Variants in PAK1 observed in about 807,000 individuals in gnomAD.
The protein encoded by PAK1 is p21 (RAC1) activated kinase 1.
Under a neutral mutation model 67.4 loss-of-function variants are expected in PAK1, and 29 were observed. The observed-to-expected ratio is 0.43, with a 90% confidence interval of 0.32 to 0.59. The LOEUF is 0.59. PAK1 is among the 20% of genes least tolerant of loss of function. PAK1 has a pLI of 0.07. For synonymous variants in PAK1, 223 were observed against 237.4 expected (o/e 0.94, Z 0.56); for missense variants, 337 against 670.7 (o/e 0.50, Z 5.50).
intron 1 of PAK1, among the ~76,000 whole-genome samples, chr11:77,401,187 C>T (rs534163598): frequency 2.0e-4 from 31 of 152,320 alleles, no homozygotes; most frequent in African/African-American, 4.1e-4. Flanking sequence ...ATGCCCTTGA[C>T]GCCTGGTTAT....
the PAK1 span, among the ~76,000 whole-genome samples, chr11:77,484,217 A>AC: frequency 6.8e-6 from 1 of 147,568 alleles, no homozygotes; most frequent in African/African-American, 2.5e-5. Context: ...AAAGTTATCC[A>AC]TAAAAAAAAA....
intron 1 of PAK1, among the ~76,000 whole-genome samples, chr11:77,445,672 G>A (rs1230019848): frequency 3.3e-5 from 5 of 152,216 alleles, no homozygotes; most frequent in Admixed American, 1.3e-4. Flanking sequence ...GTTTCACACC[G>A]GAGTGAGCTA....
chr11:77,379,075 C>T, intron 4 of PAK1, 166 bp downstream of exon 4: 1 of 612,004 alleles, frequency 1.6e-6, no homozygotes, highest in Non-Finnish European at 2.9e-6. Context: ...AAGTTTGATG[C>T]AAAGTCCATC....
rs372081686 is a variant in PAK1, at chr11:77,374,367, T to C, written c.440-2A>G. On this transcript the variant is annotated splice_acceptor_variant, in intron 4 of 14. Transcript: ENST00000356341. LOFTEE classifies it high-confidence loss of function. ...AATTGTAATCCTCAGCTGACTTATC[T>C]GCACAGGAAGAAAAACAAGGGACTT... 6.3e-7 allele frequency: 1 copy of C among 1,591,842 alleles called. No individual in the cohort carries two copies. The highest frequency in any genetic ancestry group is 8.6e-7 in the Non-Finnish European group (1 of 1,160,236).
chr11:77,428,571 C>CAA (rs34457093), intron 1 of PAK1, among the ~76,000 whole-genome samples: 1 of 111,034 alleles, frequency 9.0e-6, no homozygotes, highest in African/African-American at 3.3e-5. Flanking sequence ...GACTCCATCT[C>CAA]AAAAAAAAAA....
At chr11:77,344,682 T>C (rs1194197148) in intron 9 of PAK1, among the ~76,000 whole-genome samples, 1 of 152,232 alleles carries the variant, frequency 6.6e-6, no homozygotes, top group African/African-American at 2.4e-5. Context: ...AGAGAGGATG[T>C]GACTTGCATA....
intron 4 of PAK1, among the ~76,000 whole-genome samples, chr11:77,375,381 A>G (rs866872356): frequency 6.6e-6 from 1 of 152,152 alleles, no homozygotes; most frequent in Non-Finnish European, 1.5e-5. Flanking sequence ...ATCCATATCT[A>G]CTGCCCACAA....
In PAK1 at chr11:77,450,186, G is replaced by A. The variant is rs745891765; in HGVS notation, c.-22+23366C>T. ...TCAGAAGGTATTTACTGAATTAATG[G>A]CTTACATAAAAGTATCAATTCTAGG... On this transcript the variant is annotated intron_variant, in intron 1 of 14. Transcript: ENST00000356341. Among the ~76,000 whole-genome samples, 9 of 152,116 alleles carry A rather than the reference G, an allele frequency of 5.9e-5. No individual in the cohort carries two copies. In the East Asian group the frequency reaches 1.7e-3, roughly 29 times the overall value.
chr11:77,413,222 T>A (rs115468385), intron 1 of PAK1, among the ~76,000 whole-genome samples: 123 of 152,324 alleles, frequency 8.1e-4, no homozygotes, highest in African/African-American at 2.9e-3. Flanking sequence ...TTACATTTTT[T>A]AAAAGATCAC....
Position 77,323,201 on chromosome 11 carries a change from G to A in PAK1, c.*73C>T, listed in dbSNP as rs775736919. The A allele has an allele frequency of 6.2e-7, 1 of 1,603,722 alleles. No individual in the cohort carries two copies. Among genetic ancestry groups the A allele is most frequent in the Admixed American group, 1.7e-5 (1 of 58,038 alleles). Reference sequence around the variant, plus strand: ...GCAAGGCAAGGAGAAGAGGGCATCAGGAGTTGGAATTTCTGAAATGTGCAT... The same window carrying A: ...GCAAGGCAAGGAGAAGAGGGCATCAAGAGTTGGAATTTCTGAAATGTGCAT... On this transcript the variant is annotated 3_prime_UTR_variant, in exon 15 of 15. Coordinates refer to ENST00000356341, the MANE Select transcript of PAK1 (RefSeq NM_002576.5).
intron 1 of PAK1, among the ~76,000 whole-genome samples, chr11:77,406,785 G>GAA (rs34634626): frequency 6.6e-6 from 1 of 151,440 alleles, no homozygotes; most frequent in Non-Finnish European, 1.5e-5. Flanking sequence ...GATTTCAAAG[G>GAA]AAAAAAAAGA....
At chr11:77,405,807 T>C (rs1315552738) in intron 1 of PAK1, among the ~76,000 whole-genome samples, 1 of 151,904 alleles carries the variant, frequency 6.6e-6, no homozygotes, top group Non-Finnish European at 1.5e-5. Context: ...ACTTAAACTA[T>C]CTCCACTTCC....
intron 14 of PAK1, among the ~76,000 whole-genome samples, chr11:77,326,799 C>T (rs4944159): frequency 0.068 from 10,389 of 152,076 alleles, 800 homozygotes; most frequent in East Asian, 0.24. Flanking sequence ...ATGACTCTGA[C>T]GAGTTGAAAG....
intron 14 of PAK1, among the ~76,000 whole-genome samples, chr11:77,330,174 AG>A (rs1428062218): frequency 6.6e-6 from 1 of 152,238 alleles, no homozygotes; most frequent in Non-Finnish European, 1.5e-5. Context: ...ACTCGTGGGT[AG>A]GAAGAATCAA....
intron 1 of PAK1, among the ~76,000 whole-genome samples, chr11:77,435,741 C>T (rs1956101244): frequency 6.7e-6 from 1 of 149,146 alleles, no homozygotes; most frequent in Non-Finnish European, 1.5e-5. Context: ...ATCTCCTGAC[C>T]TCGTGATCCG....
intron 1 of PAK1, among the ~76,000 whole-genome samples, chr11:77,455,712 A>C (rs1282962267): frequency 1.3e-5 from 2 of 152,256 alleles, no homozygotes; most frequent in Non-Finnish European, 2.9e-5. Context: ...CAAATAAGAT[A>C]GCATATAATA....
the PAK1 span, among the ~76,000 whole-genome samples, chr11:77,509,612 A>C: frequency 1.3e-5 from 2 of 152,150 alleles, no homozygotes; most frequent in African/African-American, 4.8e-5. Flanking sequence ...GTAATCCCCA[A>C]TGCTGGAGGT....
intron 1 of PAK1, among the ~76,000 whole-genome samples, chr11:77,425,054 T>TC (rs1471613858): frequency 6.6e-6 from 1 of 152,214 alleles, no homozygotes; most frequent in Non-Finnish European, 1.5e-5. Flanking sequence ...TTCATTTTAT[T>TC]CCCCAGGATA....
intron 14 of PAK1, among the ~76,000 whole-genome samples, chr11:77,327,025 A>T (rs1160409717): frequency 2.0e-5 from 3 of 152,232 alleles, no homozygotes; most frequent in Non-Finnish European, 4.4e-5. Context: ...ACTGGAAGAA[A>T]GGGTATCAGT....
Sources: gnomAD v4.1 joint callset for allele counts (sites outside exome capture counted in the v4.1 genomes callset) on GRCh38, gnomAD v4.1.1 for gene constraint, MANE v1.5 for transcripts, NCBI Gene and HGNC (gene_info 2026-07-23, HGNC 2026-07-21) for gene names.